RPH3A: variants seen among roughly 807,000 people sequenced by gnomAD.
RPH3A encodes rabphilin 3A.
In RPH3A, 48 loss-of-function variants were observed where a neutral mutation model predicts 102.2. The ratio of observed to expected loss-of-function variants is 0.47; its 90% CI spans 0.37 to 0.60. RPH3A has a LOEUF of 0.60. Among genes scored for constraint, RPH3A ranks in the 20% least tolerant of loss-of-function variants. RPH3A has a pLI of 0.00. For synonymous variants in RPH3A, 310 were observed against 324.3 expected, an observed-to-expected ratio of 0.96 and a Z score of 0.47; for missense variants, 781 against 910.1, an observed-to-expected ratio of 0.86 and a Z score of 1.83.
At chr12:112,894,464 T>C in intron 19 of RPH3A, 114 bp from the exon 20 acceptor site, 1 of 904,800 alleles carries the variant, frequency 1.1e-6, no homozygotes, top group South Asian at 1.5e-5. Flanking sequence ...TCAATGTTGA[T>C]CCCTTTCTGA....
At chr12:112,601,794 T>C (rs2039561382) in intron 1 of RPH3A, among the ~76,000 whole-genome samples, 1 of 151,938 alleles carries the variant, frequency 6.6e-6, no homozygotes, top group African/African-American at 2.4e-5. Context: ...TAGCCAGGTG[T>C]AGTGGCACAC....
At chr12:112,716,347 T>C (rs1485395258) in intron 1 of RPH3A, among the ~76,000 whole-genome samples, 2 of 152,204 alleles carry the variant, frequency 1.3e-5, no homozygotes, top group Non-Finnish European at 2.9e-5. Context: ...CACTAAATAT[T>C]ACTGAATGAC....
intron 14 of RPH3A, among the ~76,000 whole-genome samples, chr12:112,881,512 G>A (rs879896024): frequency 1.8e-4 from 28 of 152,192 alleles, no homozygotes; most frequent in Admixed American, 1.8e-3. Context: ...TTTGACAGGT[G>A]GGGAAACTGA....
intron 1 of RPH3A, among the ~76,000 whole-genome samples, chr12:112,648,306 G>A (rs1240402581): frequency 2.0e-5 from 3 of 151,894 alleles, no homozygotes; most frequent in Non-Finnish European, 2.9e-5. Context: ...GTTCCACTGA[G>A]TGGAATGTAC....
chr12:112,810,010 C>T (rs1272917906), intron 2 of RPH3A, among the ~76,000 whole-genome samples: 1 of 152,164 alleles, frequency 6.6e-6, no homozygotes, highest in Non-Finnish European at 1.5e-5. Context: ...TTCGGTATCC[C>T]CAGATCCCTC....
At chr12:112,812,160 A>G (rs1415935825) in intron 2 of RPH3A, among the ~76,000 whole-genome samples, 1 of 152,118 alleles carries the variant, frequency 6.6e-6, no homozygotes, top group Non-Finnish European at 1.5e-5. Flanking sequence ...AATTATATGT[A>G]GTTACAAGGG....
Position 112,731,791 on chromosome 12 carries a change from T to C in RPH3A, c.-139-60352T>C, listed in dbSNP as rs372237344. Among the ~76,000 whole-genome samples the C allele has an allele frequency of 5.7e-4, 87 of 152,336 alleles. 1 individual carries two copies. Among genetic ancestry groups the C allele is most frequent in the African/African-American group, 2.0e-3 (84 of 41,580 alleles). On this transcript the variant is annotated intron_variant, in intron 1 of 21. Coordinates refer to the RPH3A transcript ENST00000543106. ...TTTAATTATGGAGACAGGTGTTTTG[T>C]TTTTCTTTTTTGGTCCCAAAGACAG...
rs771688201 is a variant in RPH3A, at chr12:112,628,568, C to CAAAAA, written c.-140+53287_-140+53291dup. Among the ~76,000 whole-genome samples the CAAAAA allele has an allele frequency of 3.3e-4, 9 of 27,048 alleles. 1 individual carries two copies. Among genetic ancestry groups the CAAAAA allele is most frequent in the Admixed American group, 7.9e-4 (1 of 1,262 alleles). The allele number at this position is 27,048 out of a possible 152,430, so 17.7% of individuals were successfully genotyped here. ...AACATTGCAAGGCCTGTCTTTACCA[C>CAAAAA]AAAAAAAAAAAAAAAAAAAAAAAAA... On this transcript the variant is annotated intron_variant, in intron 1 of 21. Transcript: ENST00000543106.
chr12:112,741,108 C>G (rs1339463378), intron 1 of RPH3A, among the ~76,000 whole-genome samples: 1 of 152,202 alleles, frequency 6.6e-6, no homozygotes, highest in South Asian at 2.1e-4. Flanking sequence ...AGAACATCCC[C>G]AGATGTTCTG....
chr12:112,708,889 T>A (rs1445351328), intron 1 of RPH3A, among the ~76,000 whole-genome samples: 2 of 152,170 alleles, frequency 1.3e-5, no homozygotes, highest in African/African-American at 4.8e-5. Flanking sequence ...CTATAAAGAA[T>A]GCTATAGATA....
At chr12:112,624,521 C>A in intron 1 of RPH3A, among the ~76,000 whole-genome samples, 2 of 149,622 alleles carry the variant, frequency 1.3e-5, no homozygotes, top group African/African-American at 2.4e-5. Context: ...AGTTGAATCT[C>A]TGAATAGACC....
chr12:112,844,145 C>CTTTGTGTA (rs2042192328), intron 4 of RPH3A, among the ~76,000 whole-genome samples: 1 of 152,152 alleles, frequency 6.6e-6, no homozygotes, highest in Admixed American at 6.5e-5. Context: ...TGTGTAATGC[C>CTTTGTGTA]CTGACCCTGG....
chr12:112,635,899 T>C lies in RPH3A; in HGVS notation c.-140+60580T>C, dbSNP rs2039845031. ...TATCAGGTGCAGCAGGTGCCACTAA[T>C]GTTAGTAACCCATGTCAACTTACAA... is the stretch of plus-strand genomic sequence containing the variant. On this transcript the variant is annotated intron_variant, in intron 1 of 21. Transcript: ENST00000543106. Among the ~76,000 whole-genome samples the C allele has an allele frequency of 3.3e-5, 5 of 152,292 alleles. No individual in the cohort carries two copies. The South Asian group carries it at 1.0e-3, about 32-fold the overall frequency.
chr12:112,618,296 C>A (rs2039696568), intron 1 of RPH3A, among the ~76,000 whole-genome samples: 2 of 135,276 alleles, frequency 1.5e-5, no homozygotes, highest in Non-Finnish European at 3.0e-5. Flanking sequence ...CCTGCTTCTC[C>A]TCCTGTCCCA....
At chr12:112,853,290 A>G (rs1400379798) in intron 5 of RPH3A, among the ~76,000 whole-genome samples, 1 of 152,230 alleles carries the variant, frequency 6.6e-6, no homozygotes, top group Admixed American at 6.5e-5. Flanking sequence ...ATTTAAACCT[A>G]AAGTCTTCAA....
chr12:112,710,427 T>C (rs914032720), intron 1 of RPH3A, among the ~76,000 whole-genome samples: 6 of 152,176 alleles, frequency 3.9e-5, no homozygotes, highest in Non-Finnish European at 8.8e-5. Context: ...TTTGAAGCTT[T>C]CAGGAGGAGA....
chr12:112,601,428 C>T (rs2039558333), intron 1 of RPH3A, among the ~76,000 whole-genome samples: 1 of 152,100 alleles, frequency 6.6e-6, no homozygotes, highest in African/African-American at 2.4e-5. Context: ...TTTGCCCTAT[C>T]AACAGGAAAG....
intron 1 of RPH3A, among the ~76,000 whole-genome samples, chr12:112,716,323 G>C (rs2040513023): frequency 6.6e-6 from 1 of 152,158 alleles, no homozygotes; most frequent in African/African-American, 2.4e-5. Flanking sequence ...GAATGCCTCT[G>C]ACGATGGGGT....
At chr12:112,735,927 G>A (rs2040666438) in intron 1 of RPH3A, among the ~76,000 whole-genome samples, 1 of 152,104 alleles carries the variant, frequency 6.6e-6, no homozygotes, top group Admixed American at 6.5e-5. Flanking sequence ...AGAGAACATT[G>A]TTCCCATTGT....
Sources: allele counts gnomAD v4.1 joint callset (sites outside exome capture counted in the v4.1 genomes callset), GRCh38; gene constraint gnomAD v4.1.1; transcripts MANE v1.5; gene names NCBI Gene and HGNC (gene_info 2026-07-23, HGNC 2026-07-21).